The following FRMPD1 variants were observed in gnomAD, a reference collection of about 807,000 sequenced individuals.
The protein encoded by FRMPD1 is FERM and PDZ domain containing 1, also known as FERM and PDZ domain-containing protein 1.
FRMPD1 carries 76 observed loss-of-function variants against 117.8 expected under a neutral mutation model. That is an observed-to-expected ratio of 0.65 (90% CI 0.54 to 0.78). The LOEUF (loss-of-function observed/expected upper bound fraction) is 0.78. Among genes scored for constraint, FRMPD1 ranks in the 30% least tolerant of loss-of-function variants. FRMPD1 has a pLI of 0.00. For missense variants in FRMPD1, 1,786 were observed against 1,964.5 expected, an observed-to-expected ratio of 0.91 and a Z score of 1.72; for synonymous variants, 783 against 770.4, an observed-to-expected ratio of 1.02 and a Z score of -0.27.
intron 1 of FRMPD1, among the ~76,000 whole-genome samples, chr9:37,652,027 G>T (rs1023614644): frequency 3.9e-5 from 6 of 152,188 alleles, no homozygotes; most frequent in Non-Finnish European, 8.8e-5. Flanking sequence ...CGCTCAGTTC[G>T]CCTTCTTCAG....
intron 1 of FRMPD1, among the ~76,000 whole-genome samples, chr9:37,664,261 G>A (rs1821088244): frequency 6.6e-6 from 1 of 151,820 alleles, no homozygotes; most frequent in South Asian, 2.1e-4. Flanking sequence ...CCCTTTGGAG[G>A]GGATGTAGGG....
the FRMPD1 span, among the ~76,000 whole-genome samples, chr9:37,645,264 A>C: frequency 6.6e-6 from 1 of 152,208 alleles, no homozygotes; most frequent in Non-Finnish European, 1.5e-5. Flanking sequence ...AGACATAAAG[A>C]GCTTGAATAT....
In FRMPD1 at chr9:37,746,471, A is replaced by T; in HGVS notation, c.4439A>T (p.Asp1480Val). Residue 1480 changes from aspartate to valine, a missense_variant, in exon 16 of 16, where the codon GAC becomes GTC. Physicochemically the swap from Asp to Val is radical, Grantham distance 152. Transcript: ENST00000377765. ...AGCTGTCGGCATGTGATCAGAATGG[A>T]CCAGTCCCCCGAAGAGATGCAGGGG... ...LSSCRHVIRM[D>V]QSPEEMQGAV... 1.2e-6 allele frequency: 2 copies of T among 1,613,698 alleles called. No individual in the cohort carries two copies. The highest frequency in any genetic ancestry group is 1.7e-6 in the Non-Finnish European group (2 of 1,180,026).
chr9:37,733,446 C>T (rs776161036), intron 10 of FRMPD1, 27 bp from the exon 11 acceptor site: 11 of 1,606,494 alleles, frequency 6.8e-6, no homozygotes, highest in South Asian at 1.1e-5. Flanking sequence ...AGAAATGGGC[C>T]TCCTTGTCTC....
Position 37,692,619 on chromosome 9 carries a change from A to G in FRMPD1, c.-4-19A>G, listed in dbSNP as rs762321418. ...GAGTATTTTGGTTAGCATCTTAAGA[A>G]CACTCTTCTTCCTTTTAGGTAAATG... On this transcript the variant is annotated intron_variant, in intron 1 of 15. Coordinates refer to ENST00000377765, the MANE Select transcript of FRMPD1 (RefSeq NM_014907.3). 5 of 1,497,880 alleles carry G rather than the reference A, an allele frequency of 3.3e-6. No homozygotes were observed. The highest frequency in any genetic ancestry group is 3.7e-6 in the Non-Finnish European group (4 of 1,073,844). 92.8% of individuals were successfully genotyped at this position (1,497,880 alleles called of 1,614,324 possible). A position where few individuals can be genotyped will look rare whatever the true frequency, so the allele number is the denominator to read the frequency against.
intron 6 of FRMPD1, 70 bp downstream of exon 6, chr9:37,719,246 C>G: frequency 1.1e-6 from 1 of 929,622 alleles, no homozygotes; most frequent in Non-Finnish European, 1.8e-6. Flanking sequence ...ACTCCCTGAA[C>G]CTCTGGAATT....
chr9:37,737,016 G>C, intron 13 of FRMPD1, 80 bp from the exon 14 acceptor site: 1 of 1,065,340 alleles, frequency 9.4e-7, no homozygotes. Context: ...ATCTCTCGTT[G>C]GTCCCACATG....
At chr9:37,715,195 TA>T (rs1823068126) in intron 5 of FRMPD1, among the ~76,000 whole-genome samples, 1 of 152,204 alleles carries the variant, frequency 6.6e-6, no homozygotes, top group African/African-American at 2.4e-5. Context: ...TTATTTGTAA[TA>T]ATATTAATAC....
the FRMPD1 span, among the ~76,000 whole-genome samples, chr9:37,633,979 T>C: frequency 2.6e-5 from 4 of 152,242 alleles, no homozygotes; most frequent in African/African-American, 9.6e-5. Context: ...GGCAGTCTCC[T>C]GCCCCATCTC....
At chr9:37,660,074 T>C (rs1820956963) in intron 1 of FRMPD1, among the ~76,000 whole-genome samples, 1 of 151,982 alleles carries the variant, frequency 6.6e-6, no homozygotes, top group African/African-American at 2.4e-5. Context: ...GCCCCCAGGA[T>C]TCCTGTCCGA....
At chr9:37,728,044 A>G (rs959844774) in intron 7 of FRMPD1, 1 of 152,286 alleles carries the variant, frequency 6.6e-6, no homozygotes, top group Admixed American at 6.5e-5. Flanking sequence ...GGGGTGAAAG[A>G]CAATAAGCAA....
At chr9:37,655,725 G>A (rs1215084623) in intron 1 of FRMPD1, among the ~76,000 whole-genome samples, 3 of 151,666 alleles carry the variant, frequency 2.0e-5, no homozygotes, top group Non-Finnish European at 4.4e-5. Context: ...GGCTGGTCTC[G>A]AACTCCTGAC....
chr9:37,662,703 G>A (rs773907402), intron 1 of FRMPD1, among the ~76,000 whole-genome samples: 4 of 152,132 alleles, frequency 2.6e-5, no homozygotes, highest in Non-Finnish European at 4.4e-5. Context: ...GGAATTATCA[G>A]TATGGAAAAT....
At chr9:37,637,300 G>C in the FRMPD1 span, 2 of 1,388,320 alleles carry the variant, frequency 1.4e-6, no homozygotes, top group East Asian at 2.3e-5. Flanking sequence ...TCATGGCGGC[G>C]GCGGAAGCCC....
intron 5 of FRMPD1, among the ~76,000 whole-genome samples, chr9:37,714,155 A>G (rs1823014889): frequency 6.6e-6 from 1 of 152,232 alleles, no homozygotes; most frequent in Non-Finnish European, 1.5e-5. Context: ...CTATTAAATA[A>G]TGTGAAACCA....
At chr9:37,637,345 C>T in the FRMPD1 span, 1 of 868,898 alleles carries the variant, frequency 1.2e-6, no homozygotes, top group Non-Finnish European at 2.0e-6. Flanking sequence ...GCTCCGCCTC[C>T]CGTTCCAAGA....
Position 37,739,174 on chromosome 9 carries a change from G to A in FRMPD1, c.1550-904G>A, listed in dbSNP as rs73445196. 4.9e-3 allele frequency among the ~76,000 whole-genome samples: 752 copies of A among 152,252 alleles called. 7 individuals are homozygous for A. The highest frequency in any genetic ancestry group is 0.017 in the African/African-American group (696 of 41,542). On this transcript the variant is annotated intron_variant, in intron 14 of 15. Coordinates refer to ENST00000377765, the MANE Select transcript of FRMPD1 (RefSeq NM_014907.3). Reference sequence around the variant, plus strand: ...GCAGAGGAGGGTTCAGGGCCATCCTGGGAGAGGGGGAAGAGCCTGCAGAGG... The same window carrying A: ...GCAGAGGAGGGTTCAGGGCCATCCTAGGAGAGGGGGAAGAGCCTGCAGAGG...
At chr9:37,603,316 G>C in the FRMPD1 span, among the ~76,000 whole-genome samples, 1 of 152,192 alleles carries the variant, frequency 6.6e-6, no homozygotes, top group Non-Finnish European at 1.5e-5. Context: ...TGTGAAGACT[G>C]TGGACACTGG....
intron 1 of FRMPD1, among the ~76,000 whole-genome samples, chr9:37,685,354 TG>T (rs1821882524): frequency 6.6e-6 from 1 of 152,168 alleles, no homozygotes; most frequent in Non-Finnish European, 1.5e-5. Context: ...TTAATAAATT[TG>T]CCTTTCGGCT....
Sources: gnomAD v4.1 joint callset for allele counts (sites outside exome capture counted in the v4.1 genomes callset) on GRCh38, gnomAD v4.1.1 for gene constraint, MANE v1.5 for transcripts, NCBI Gene and HGNC (gene_info 2026-07-23, HGNC 2026-07-21) for gene names.